The following TAF5L variants were observed in gnomAD, a reference collection of about 807,000 sequenced individuals.
TAF5L encodes TAF5-like RNA polymerase II p300/CBP-associated factor-associated factor 65 kDa subunit 5L.
Under a neutral mutation model 51.3 loss-of-function variants are expected in TAF5L, and 7 were observed. The observed-to-expected ratio is 0.14, with a 90% CI of 0.08 to 0.26. The LOEUF (loss-of-function observed/expected upper bound fraction) is 0.26, where lower values mean the gene tolerates loss of function less well. Among genes scored for constraint, TAF5L ranks in the 10% least tolerant of loss-of-function variants. TAF5L has a pLI of 1.00. For synonymous variants in TAF5L, 291 were observed against 308.1 expected (o/e 0.94, Z 0.58); for missense variants, 575 against 758.9 (o/e 0.76, Z 2.85).
intron 3 of TAF5L, among the ~76,000 whole-genome samples, chr1:229,608,944 C>A (rs972078706): frequency 6.6e-6 from 1 of 152,108 alleles, no homozygotes; most frequent in Non-Finnish European, 1.5e-5. Flanking sequence ...GTCAAGGCTG[C>A]AGTGAGCCGT....
intron 1 of TAF5L, among the ~76,000 whole-genome samples, chr1:229,615,480 GTA>G (rs1436183328): frequency 6.6e-6 from 1 of 152,164 alleles, no homozygotes; most frequent in Non-Finnish European, 1.5e-5. Context: ...AAGAGGGTAT[GTA>G]TATGTGTTAG....
intron 1 of TAF5L, among the ~76,000 whole-genome samples, chr1:229,616,803 G>A (rs1665019332): frequency 6.6e-6 from 1 of 152,024 alleles, no homozygotes; most frequent in South Asian, 2.1e-4. Flanking sequence ...AAAATGTTAG[G>A]ACATTATATA....
In TAF5L at chr1:229,594,696, C is replaced by T. The variant is rs764539473; in HGVS notation, c.1371G>A (p.Gln457=). Reference sequence around the variant, plus strand: ...CTGTGAAAAGCCTCACCGAGTTCCCCTGCTGAGCGCTCCACAGCCGGACGG... The same window carrying T: ...CTGTGAAAAGCCTCACCGAGTTCCCTTGCTGAGCGCTCCACAGCCGGACGG... The change falls in exon 5 of 5, where the codon CAG becomes CAA. Residue 457 remains glutamine (Q), a synonymous_variant. Coordinates refer to ENST00000258281, the Ensembl canonical transcript of TAF5L. The surrounding 1 kb of genome is among the most constrained non-coding windows in gnomAD (Gnocchi z 7.9). 13 of 1,614,230 alleles carry T rather than the reference C, an allele frequency of 8.1e-6. No homozygotes were observed. Among genetic ancestry groups the T allele is most frequent in the Non-Finnish European group, 1.1e-5 (13 of 1,180,050 alleles).
At chr1:229,611,905 A>G in intron 2 of TAF5L, among the ~76,000 whole-genome samples, 1 of 152,218 alleles carries the variant, frequency 6.6e-6, no homozygotes, top group East Asian at 1.9e-4. Flanking sequence ...ACTATATGTC[A>G]GGAATCACAA....
At chr1:229,611,497 T>C (rs1472241076) in intron 2 of TAF5L, among the ~76,000 whole-genome samples, 3 of 151,988 alleles carry the variant, frequency 2.0e-5, no homozygotes, top group Non-Finnish European at 4.4e-5. Context: ...GAAACACAGG[T>C]GAGAGGAAAG....
At chr1:229,601,104 T>C in intron 4 of TAF5L, 2 of 985,092 alleles carry the variant, frequency 2.0e-6, no homozygotes, top group Non-Finnish European at 2.4e-6. Flanking sequence ...CATGGGAATC[T>C]AGACTCTTCA....
At chr1:229,607,265 C>T (rs1417937770) in intron 3 of TAF5L, 2 of 985,278 alleles carry the variant, frequency 2.0e-6, no homozygotes, top group African/African-American at 3.5e-5. Context: ...CTTCCAGTTC[C>T]ACAATGCTGT....
rs1326483854 is a variant in TAF5L, at chr1:229,602,269, T to C, written c.898A>G (p.Lys300Glu). 1.2e-6 allele frequency: 2 copies of C among 1,614,172 alleles called. No homozygotes were observed. Among genetic ancestry groups the C allele is most frequent in the Middle Eastern group, 1.6e-4 (1 of 6,062 alleles). ...TGGTGGGGCTCTGATTTTAACTTCT[T>C]GGATCGTAAACTCCAAAGTTTTATA... is the stretch of plus-strand genomic sequence containing the variant. Residue 300 changes from lysine (K) to glutamate (E), a missense_variant, in exon 4 of 5, where the codon AAG (lysine) becomes GAG (glutamate). Lys to Glu is a moderately conservative substitution (Grantham distance 56). Transcript: ENST00000258281. This position sits in a 1 kb window ranked among gnomAD's most constrained non-coding sequence, Gnocchi z 4.6.
At chr1:229,609,264 CTATTA>C (rs1664707484) in intron 3 of TAF5L, among the ~76,000 whole-genome samples, 1 of 152,096 alleles carries the variant, frequency 6.6e-6, no homozygotes, top group Non-Finnish European at 1.5e-5. Context: ...TGACTTATTT[CTATTA>C]TGAGTGACAC....
chr1:229,609,149 T>C (rs367732584), intron 3 of TAF5L, among the ~76,000 whole-genome samples: 18 of 152,302 alleles, frequency 1.2e-4, no homozygotes, highest in African/African-American at 3.4e-4. Flanking sequence ...TCATGGAGCA[T>C]ATAGTCTAAT....
At chr1:229,601,731 T>C in intron 4 of TAF5L, 1 of 1,003,962 alleles carries the variant, frequency 1.0e-6, no homozygotes. Flanking sequence ...GATGCCAGTA[T>C]TCTTACTACT....
intron 1 of TAF5L, among the ~76,000 whole-genome samples, chr1:229,619,918 C>A (rs1665143446): frequency 6.6e-6 from 1 of 152,172 alleles, no homozygotes; most frequent in Non-Finnish European, 1.5e-5. Context: ...ACAGTCAGAC[C>A]ACCTTCCTCA....
chr1:229,620,086 C>T (rs1665149959), intron 1 of TAF5L, among the ~76,000 whole-genome samples: 1 of 152,060 alleles, frequency 6.6e-6, no homozygotes, highest in Admixed American at 6.5e-5. Flanking sequence ...TCTGTTCTCT[C>T]TCTCCCTTAC....
At chr1:229,614,217 G>C (rs1664889901) in intron 2 of TAF5L, 124 bp downstream of exon 2, 2 of 1,524,112 alleles carry the variant, frequency 1.3e-6, no homozygotes, top group East Asian at 4.6e-5. Context: ...GTAGCTCACT[G>C]AGGTTTTTGG....
At chr1:229,611,605 C>G (rs564501667) in intron 2 of TAF5L, among the ~76,000 whole-genome samples, 4 of 152,124 alleles carry the variant, frequency 2.6e-5, no homozygotes, top group Non-Finnish European at 5.9e-5. Flanking sequence ...TCTTGCCCCC[C>G]GCTTAGTTAC....
chr1:229,601,500 T>G, intron 4 of TAF5L: 1 of 985,470 alleles, frequency 1.0e-6, no homozygotes, highest in Non-Finnish European at 1.2e-6. Context: ...TTTGGTGACC[T>G]GAAACCCAAG....
intron 1 of TAF5L, among the ~76,000 whole-genome samples, chr1:229,621,335 G>A (rs1665195253): frequency 6.6e-6 from 1 of 152,152 alleles, no homozygotes; most frequent in South Asian, 2.1e-4. Context: ...GTCTCCAAAA[G>A]TTAGTATTTT....
At chr1:229,606,199 T>C in intron 3 of TAF5L, 1 of 985,242 alleles carries the variant, frequency 1.0e-6, no homozygotes, top group Non-Finnish European at 1.2e-6. Context: ...GTATGCTGGG[T>C]ATAAAACAAA....
intron 1 of TAF5L, among the ~76,000 whole-genome samples, chr1:229,622,169 C>T (rs1241119315): frequency 1.3e-5 from 2 of 151,970 alleles, no homozygotes. Context: ...ACCCCCCACC[C>T]CCATCAGGAA....
Sources: gnomAD v4.1 joint callset for allele counts (sites outside exome capture counted in the v4.1 genomes callset) on GRCh38, gnomAD v4.1.1 for gene constraint, Gnocchi (gnomAD v3.1) non-coding constraint, MANE v1.5 for transcripts, NCBI Gene and HGNC (gene_info 2026-07-23, HGNC 2026-07-21) for gene names.